EPSTI1: variants seen among roughly 807,000 people sequenced by gnomAD.
EPSTI1 encodes the protein epithelial stromal interaction 1.
A neutral mutation model predicts 49.9 loss-of-function variants in EPSTI1; 66 were observed. The ratio of observed to expected loss-of-function variants is 1.32; its 90% CI spans 1.08 to 1.62. The LOEUF (loss-of-function observed/expected upper bound fraction) is 1.62. Among genes scored for constraint, EPSTI1 ranks in the 40% most tolerant of loss-of-function variants. The probability of loss-of-function intolerance (pLI) is 0.00; values close to 1 mark genes in which losing one functional copy is unlikely to be tolerated. For synonymous variants in EPSTI1, 137 were observed against 130.7 expected (o/e 1.05, Z -0.33); for missense variants, 394 against 365.5 (o/e 1.08, Z -0.64).
At chr13:42,909,355 C>T (rs2037598871) in intron 8 of EPSTI1, among the ~76,000 whole-genome samples, 1 of 152,008 alleles carries the variant, frequency 6.6e-6, no homozygotes, top group South Asian at 2.1e-4. Flanking sequence ...TAAATTAGTA[C>T]AGCCATTATG....
chr13:42,900,264 G>A (rs2037316680), intron 9 of EPSTI1, 46 bp downstream of exon 9: 1 of 1,522,518 alleles, frequency 6.6e-7, no homozygotes. Context: ...AAACTTTCTA[G>A]GTAATTGATT....
At chr13:42,910,546 G>A (rs747287702) in intron 8 of EPSTI1, among the ~76,000 whole-genome samples, 14 of 152,106 alleles carry the variant, frequency 9.2e-5, no homozygotes, top group Admixed American at 3.9e-4. Flanking sequence ...GAGCCACCGC[G>A]CCTGGTCCAA....
chr13:42,989,069 G>A (rs1165670145), intron 1 of EPSTI1, among the ~76,000 whole-genome samples: 1 of 114,644 alleles, frequency 8.7e-6, no homozygotes, highest in Non-Finnish European at 1.7e-5. Context: ...GAGAGACAAG[G>A]GACTCCCTAT....
chr13:42,899,096 G>T (rs954684747), intron 9 of EPSTI1, among the ~76,000 whole-genome samples: 2 of 151,904 alleles, frequency 1.3e-5, no homozygotes, highest in East Asian at 3.9e-4. Flanking sequence ...TACTCAGGAG[G>T]CTGAGGCAGG....
At chr13:42,967,612 G>A (rs1423212550) in intron 3 of EPSTI1, among the ~76,000 whole-genome samples, 1 of 152,212 alleles carries the variant, frequency 6.6e-6, no homozygotes, top group African/African-American at 2.4e-5. Flanking sequence ...CCTAAAAGGA[G>A]TCTACCAAGA....
chr13:42,929,632 A>C (rs2038297746), intron 6 of EPSTI1, among the ~76,000 whole-genome samples: 1 of 152,186 alleles, frequency 6.6e-6, no homozygotes, highest in Admixed American at 6.5e-5. Flanking sequence ...CAAATATTAC[A>C]TACCAGGACA....
intron 10 of EPSTI1, among the ~76,000 whole-genome samples, chr13:42,892,709 A>G (rs1365776383): frequency 6.6e-6 from 1 of 152,232 alleles, no homozygotes; most frequent in South Asian, 2.1e-4. Context: ...AGTCATGAAC[A>G]TATAGATAGT....
intron 5 of EPSTI1, among the ~76,000 whole-genome samples, chr13:42,958,212 T>C (rs974828286): frequency 1.3e-5 from 2 of 151,980 alleles, no homozygotes; most frequent in African/African-American, 4.8e-5. Flanking sequence ...GTTCTTAAGC[T>C]AGCTGATCCA....
intron 8 of EPSTI1, among the ~76,000 whole-genome samples, chr13:42,908,349 G>A (rs2037557882): frequency 6.6e-6 from 1 of 152,098 alleles, no homozygotes; most frequent in African/African-American, 2.4e-5. Flanking sequence ...AGCCAGGCAC[G>A]GTGGCACACA....
At chr13:42,953,813 G>A (rs2039176806) in intron 6 of EPSTI1, 135 bp downstream of exon 6, 1 of 656,998 alleles carries the variant, frequency 1.5e-6, no homozygotes, top group African/African-American at 1.8e-5. Flanking sequence ...CATGGTGAAA[G>A]AGTTCAATTA....
chr13:42,976,720 A>G (rs2039889077), intron 1 of EPSTI1, among the ~76,000 whole-genome samples: 1 of 152,224 alleles, frequency 6.6e-6, no homozygotes, highest in African/African-American at 2.4e-5. Flanking sequence ...TAGAAATGAA[A>G]TTCATGTTTT....
chr13:42,922,041 A>G lies in EPSTI1; in HGVS notation c.657+4295T>C, dbSNP rs189008246. Among the ~76,000 whole-genome samples the G allele has an allele frequency of 2.6e-5, 4 of 152,324 alleles. No individual in the cohort carries two copies. The highest frequency in any genetic ancestry group is 2.0e-4 in the Admixed American group (3 of 15,310). ...GTTTAAAGAGTTGTACAGAAGATAT[A>G]ACCAGAGTATACCGACTGGCTTGGC... On this transcript the variant is annotated intron_variant, in intron 7 of 10. Transcript: ENST00000313624. The surrounding 1 kb of genome is among the most constrained non-coding windows in gnomAD (Gnocchi z 4.8).
chr13:42,990,699 AAAT>A (rs1191155862), intron 1 of EPSTI1, among the ~76,000 whole-genome samples: 2 of 152,344 alleles, frequency 1.3e-5, no homozygotes, highest in South Asian at 4.1e-4. Context: ...AACCTAAGCT[AAAT>A]AATAATATTA....
At chr13:42,948,425 G>GTTTT (rs1237479085) in intron 6 of EPSTI1, among the ~76,000 whole-genome samples, 12 of 128,066 alleles carry the variant, frequency 9.4e-5, no homozygotes, top group African/African-American at 3.7e-4. Flanking sequence ...GTGGCTTGTT[G>GTTTT]TTTTTTTTTT....
chr13:42,927,508 C>T (rs750052755), intron 6 of EPSTI1, among the ~76,000 whole-genome samples: 2 of 152,172 alleles, frequency 1.3e-5, no homozygotes, highest in African/African-American at 4.8e-5. Context: ...AGATCTGATT[C>T]ATCAAGTACT....
chr13:42,985,941 T>C (rs1213281392), intron 1 of EPSTI1, among the ~76,000 whole-genome samples: 1 of 152,232 alleles, frequency 6.6e-6, no homozygotes, highest in East Asian at 1.9e-4. Context: ...AACTTGAGGC[T>C]TGAGAATTCC....
At chr13:42,940,181 C>T (rs968270530) in intron 6 of EPSTI1, among the ~76,000 whole-genome samples, 2 of 152,180 alleles carry the variant, frequency 1.3e-5, no homozygotes. Flanking sequence ...CACTTCAGCC[C>T]GAACATACCA....
rs145323397 is a variant in EPSTI1, at chr13:42,922,624, T to C, written c.657+3712A>G. ...ATTTTTGTTCTATTAGGTCACTACA[T>C]TCGTGGTAATTTGTTACAGCAGCAA... On this transcript the variant is annotated intron_variant, in intron 7 of 10. Coordinates refer to ENST00000313624, the MANE Select transcript of EPSTI1 (RefSeq NM_033255.5). The surrounding 1 kb of genome is among the most constrained non-coding windows in gnomAD (Gnocchi z 4.8). Among the ~76,000 whole-genome samples the C allele has an allele frequency of 1.5e-3, 236 of 152,316 alleles. 7 individuals are homozygous for C. In the East Asian group the frequency reaches 0.033, roughly 21 times the overall value.
At chr13:42,930,270 T>C (rs888411312) in intron 6 of EPSTI1, among the ~76,000 whole-genome samples, 2 of 152,228 alleles carry the variant, frequency 1.3e-5, no homozygotes, top group Admixed American at 1.3e-4. Flanking sequence ...TTTGCCACCA[T>C]GAGGTTTAGG....
Sources: allele counts gnomAD v4.1 joint callset (sites outside exome capture counted in the v4.1 genomes callset), GRCh38; gene constraint gnomAD v4.1.1; non-coding constraint Gnocchi (gnomAD v3.1); transcripts MANE v1.5; gene names NCBI Gene and HGNC (gene_info 2026-07-23, HGNC 2026-07-21).